The following PTPRO variants were observed in gnomAD, a reference collection of about 807,000 sequenced individuals.
The protein encoded by PTPRO is protein tyrosine phosphatase receptor type O, also known as receptor-type tyrosine-protein phosphatase O.
In PTPRO, 62 loss-of-function variants were observed where a neutral mutation model predicts 145.2. That is an observed-to-expected ratio of 0.43 (90% confidence interval 0.35 to 0.53). The LOEUF is 0.53. PTPRO is among the 20% of genes least tolerant of loss of function. The probability of loss-of-function intolerance (pLI) is 0.01; values close to 1 mark genes in which losing one functional copy is unlikely to be tolerated. For synonymous variants in PTPRO, 565 were observed against 514.7 expected (o/e 1.10, Z -1.32); for missense variants, 1,345 against 1,482.7 (o/e 0.91, Z 1.53).
At chr12:15,491,486 T>C (rs1016883704) in intron 2 of PTPRO, among the ~76,000 whole-genome samples, 2 of 152,204 alleles carry the variant, frequency 1.3e-5, no homozygotes, top group African/African-American at 2.4e-5. Context: ...CTATTCATGA[T>C]CTCTCTTGAA....
intron 1 of PTPRO, among the ~76,000 whole-genome samples, chr12:15,340,730 T>C (rs897102557): frequency 6.6e-6 from 1 of 152,204 alleles, no homozygotes. Context: ...AGAAGCACCA[T>C]GGCAGACTTA....
In PTPRO at chr12:15,478,880, C is replaced by A. The variant is rs992434581; in HGVS notation, c.76-5094C>A. ...TAGAGACAGGGTTTCACTGTGTTAG[C>A]CAGGATGGTCTCAATCTCCTGATCT... On this transcript the variant is annotated intron_variant, in intron 1 of 26. Coordinates refer to ENST00000281171, the MANE Select transcript of PTPRO (RefSeq NM_030667.3). Among the ~76,000 whole-genome samples, 9 of 152,250 alleles carry A rather than the reference C, an allele frequency of 5.9e-5. No homozygotes were observed. The East Asian group carries it at 1.4e-3, about 23-fold the overall frequency.
chr12:15,350,724 G>A (rs549352604), intron 1 of PTPRO, among the ~76,000 whole-genome samples: 1 of 152,324 alleles, frequency 6.6e-6, no homozygotes, highest in African/African-American at 2.4e-5. Flanking sequence ...GACTACCTCT[G>A]TTGTACCAGA....
chr12:15,355,445 C>G (rs1937955379), intron 1 of PTPRO, among the ~76,000 whole-genome samples: 1 of 152,158 alleles, frequency 6.6e-6, no homozygotes, highest in Admixed American at 6.6e-5. Context: ...TTTTGCTGGG[C>G]AATTTTAGTT....
intron 9 of PTPRO, 27 bp from the exon 10 acceptor site, chr12:15,520,174 G>A: frequency 6.6e-7 from 1 of 1,508,720 alleles, no homozygotes. Context: ...ACAGTCTTTT[G>A]TCTCCTTGCT....
In PTPRO at chr12:15,595,957, C is replaced by T. The variant is rs546407544; in HGVS notation, c.*17-133C>T. 3.9e-5 allele frequency: 6 copies of T among 152,500 alleles called. No homozygotes were observed. The South Asian group carries it at 1.2e-3, about 32-fold the overall frequency. The allele number at this position is 152,500 out of a possible 1,614,324, so 9.4% of individuals were successfully genotyped here. On this transcript the variant is annotated intron_variant, in intron 26 of 26. Transcript: ENST00000281171. Reference sequence around the variant, plus strand: ...TCAGACCCACAGAAAGGAGGCAGCACACAGAGAAAGATGCACAGATCAACC... The same window carrying T: ...TCAGACCCACAGAAAGGAGGCAGCATACAGAGAAAGATGCACAGATCAACC...
chr12:15,461,430 T>C (rs1386772544), intron 1 of PTPRO, among the ~76,000 whole-genome samples: 1 of 152,146 alleles, frequency 6.6e-6, no homozygotes, highest in African/African-American at 2.4e-5. Context: ...AAGGGCTGCG[T>C]CACAGGCCAT....
At position 15,546,641 on chromosome 12, in the gene PTPRO, A is replaced by T. The variant is rs1378882140; in HGVS notation, c.2237A>T (p.Glu746Val). Residue 746 changes from glutamate (E) to valine (V), a missense_variant, in exon 13 of 27, where the codon GAG (glutamate) becomes GTG (valine). Coordinates refer to ENST00000281171, the MANE Select transcript of PTPRO (RefSeq NM_030667.3). ...TCAGTGACTTTGCTGTGGGTGGAAG[A>T]GGGAGTAGCTGATTTCTTTGAAGTT... is the stretch of plus-strand genomic sequence containing the variant. Reference protein sequence around the residue: ...QTSVTLLWVEEGVADFFEVFC... With the variant: ...QTSVTLLWVEVGVADFFEVFC... 1.2e-6 allele frequency: 2 copies of T among 1,613,906 alleles called. No individual in the cohort carries two copies. Among genetic ancestry groups the T allele is most frequent in the African/African-American group, 2.7e-5 (2 of 75,056 alleles).
At chr12:15,460,391 CTT>C (rs1941275196) in intron 1 of PTPRO, among the ~76,000 whole-genome samples, 1 of 152,094 alleles carries the variant, frequency 6.6e-6, no homozygotes, top group Non-Finnish European at 1.5e-5. Context: ...CATTTTGATG[CTT>C]TTCTCATGAT....
chr12:15,331,962 CTTTTTTT>C (rs200334215), intron 1 of PTPRO, among the ~76,000 whole-genome samples: 21 of 118,248 alleles, frequency 1.8e-4, no homozygotes, highest in African/African-American at 4.0e-4. Context: ...CTCTTTCTTT[CTTTTTTT>C]TTTTTTTTTT....
intron 1 of PTPRO, among the ~76,000 whole-genome samples, chr12:15,352,222 C>T (rs140281868): frequency 3.9e-4 from 59 of 152,286 alleles, no homozygotes; most frequent in African/African-American, 1.2e-3. Context: ...ATCATTACAT[C>T]GGTTCTGCCC....
At chr12:15,384,568 C>A (rs1167953581) in intron 1 of PTPRO, among the ~76,000 whole-genome samples, 1 of 152,092 alleles carries the variant, frequency 6.6e-6, no homozygotes, top group East Asian at 1.9e-4. Flanking sequence ...TATAAGGCCA[C>A]CAATTTTATC....
At chr12:15,571,095 C>T (rs1457986867) in intron 19 of PTPRO, among the ~76,000 whole-genome samples, 3 of 152,294 alleles carry the variant, frequency 2.0e-5, no homozygotes, top group Middle Eastern at 6.8e-3. Flanking sequence ...AGCTAGACTA[C>T]GTGCAGGGAA....
At chr12:15,425,401 C>T (rs961062704) in intron 1 of PTPRO, among the ~76,000 whole-genome samples, 1 of 152,130 alleles carries the variant, frequency 6.6e-6, no homozygotes, top group Non-Finnish European at 1.5e-5. Flanking sequence ...CAAGGCCTTA[C>T]TGTGGTAGGT....
intron 15 of PTPRO, among the ~76,000 whole-genome samples, chr12:15,551,928 A>G (rs1943472186): frequency 1.3e-5 from 2 of 152,102 alleles, no homozygotes; most frequent in Non-Finnish European, 2.9e-5. Context: ...CATTTGAAGT[A>G]GCCCATATAT....
intron 1 of PTPRO, among the ~76,000 whole-genome samples, chr12:15,331,797 T>A (rs1308061347): frequency 2.0e-5 from 3 of 152,178 alleles, no homozygotes; most frequent in African/African-American, 7.2e-5. Context: ...TTTGGGAAAT[T>A]ATTAGTTTAA....
intron 1 of PTPRO, among the ~76,000 whole-genome samples, chr12:15,451,287 A>T (rs1016512075): frequency 1.3e-5 from 2 of 152,100 alleles, no homozygotes; most frequent in African/African-American, 2.4e-5. Context: ...AAAGTATCAC[A>T]ATCCTATATA....
At chr12:15,338,860 T>A (rs1866864748) in intron 1 of PTPRO, among the ~76,000 whole-genome samples, 1 of 152,148 alleles carries the variant, frequency 6.6e-6, no homozygotes, top group South Asian at 2.1e-4. Flanking sequence ...TGTTCAGATA[T>A]TTCCACCAGT....
rs775818951 is a variant in PTPRO at position 15,560,223 on chromosome 12, G to A, written c.2658G>A (p.Leu886=). 3.1e-6 allele frequency: 5 copies of A among 1,596,020 alleles called. No homozygotes were observed. Among genetic ancestry groups the A allele is most frequent in the Admixed American group, 1.7e-5 (1 of 59,950 alleles). The change falls in exon 17 of 27, where the codon CTG becomes CTA. Residue 886 remains leucine (L), a synonymous_variant. Coordinates refer to ENST00000281171, the MANE Select transcript of PTPRO (RefSeq NM_030667.3). ...GGAGTATATTTGCTTTCTTAACCCT[G>A]CTACCCTCATGTCTTTGGACTGATT... ...WRRSIFAFLT[L]LPSCLWTDYL...
Sources: gnomAD v4.1 joint callset for allele counts (sites outside exome capture counted in the v4.1 genomes callset) on GRCh38, gnomAD v4.1.1 for gene constraint, MANE v1.5 for transcripts, NCBI Gene and HGNC (gene_info 2026-07-23, HGNC 2026-07-21) for gene names.